The following CACNB1 variants were observed in gnomAD, a reference collection of about 807,000 sequenced individuals.
The protein encoded by CACNB1 is calcium voltage-gated channel auxiliary subunit beta 1.
A neutral mutation model predicts 71.6 loss-of-function variants in CACNB1; 29 were observed. The observed-to-expected ratio is 0.40, with a 90% CI of 0.30 to 0.55. The LOEUF (loss-of-function observed/expected upper bound fraction) is 0.55, where lower values mean the gene tolerates loss of function less well. Among genes scored for constraint, CACNB1 ranks in the 20% least tolerant of loss-of-function variants. The probability of loss-of-function intolerance (pLI) is 0.38; values close to 1 mark genes in which losing one functional copy is unlikely to be tolerated. For missense variants in CACNB1, 623 were observed against 801.8 expected (o/e 0.78, Z 2.69); for synonymous variants, 300 against 319.6 (o/e 0.94, Z 0.65).
At position 39,197,456 on chromosome 17, in the gene CACNB1, G is replaced by T; in HGVS notation, c.40C>A (p.Pro14Thr). 2 of 1,485,278 alleles carry T rather than the reference G, an allele frequency of 1.3e-6. No homozygotes were observed. The highest frequency in any genetic ancestry group is 8.9e-7 in the Non-Finnish European group (1 of 1,122,452). The allele number at this position is 1,485,278 out of a possible 1,614,324, so 92.0% of individuals were successfully genotyped here. Residue 14 changes from proline (P) to threonine (T), a missense_variant, in exon 1 of 14, where the codon CCC (proline) becomes ACC (threonine). Pro to Thr is a conservative substitution (Grantham distance 38). Transcript: ENST00000394303. ...ACCTCCATGGGGATCTCCTGGGAGG[G>T]TGGGTAAGGGCCCCGGGACATGCTG... ...KTSMSRGPYP[P>T]SQEIPMEVFD... is the part of the protein sequence containing the mutation.
chr17:39,185,854 G>T, intron 6 of CACNB1: 3 of 1,373,964 alleles, frequency 2.2e-6, no homozygotes, highest in Non-Finnish European at 2.0e-6. Context: ...CACAGAACAG[G>T]TTGGTACCAC....
Position 39,197,629 on chromosome 17 carries a change from C to A in CACNB1, c.-134G>T. ...AGCCACCCAGCTCGGCCTTCGGCTGCCTCCTTCCTGCCTTCCCTCGCTCCT... is the reference window on the plus strand; with the variant it reads ...AGCCACCCAGCTCGGCCTTCGGCTGACTCCTTCCTGCCTTCCCTCGCTCCT... On this transcript the variant is annotated 5_prime_UTR_variant, in exon 1 of 14. Coordinates refer to ENST00000394303, the MANE Select transcript of CACNB1 (RefSeq NM_000723.5). The A allele has an allele frequency of 3.2e-6, 2 of 621,356 alleles. No homozygotes were observed. Among genetic ancestry groups the A allele is most frequent in the South Asian group, 2.1e-5 (1 of 48,584 alleles). The allele number at this position is 621,356 out of a possible 1,614,324, so 38.5% of individuals were successfully genotyped here.
At position 39,175,890 on chromosome 17, in the gene CACNB1, G is replaced by A. The variant is rs2045566485; in HGVS notation, c.1333-233C>T. ...GGCACCCGACCTTCAACAGATGTGA[G>A]GACATATGAACTCTCAGGGCAACTA... On this transcript the variant is annotated intron_variant, in intron 13 of 13. Transcript: ENST00000394303. The surrounding 1 kb of genome is among the most constrained non-coding windows in gnomAD (Gnocchi z 4.7). Among the ~76,000 whole-genome samples the A allele has an allele frequency of 6.6e-6, 1 of 152,144 alleles. No homozygotes were observed. Among genetic ancestry groups the A allele is most frequent in the Non-Finnish European group, 1.5e-5 (1 of 68,026 alleles).
chr17:39,183,337 AAAGAAG>A (rs35982951), intron 11 of CACNB1, among the ~76,000 whole-genome samples: 7,675 of 130,222 alleles, frequency 0.059, 543 homozygotes, highest in African/African-American at 0.16. Context: ...GACTTAAAAA[AAAGAAG>A]AAGAAGAAGA....
At chr17:39,191,965 T>A (rs1361636704) in intron 2 of CACNB1, 1 of 276,108 alleles carries the variant, frequency 3.6e-6, no homozygotes, top group Non-Finnish European at 6.9e-6. Context: ...CCCGCTGAGA[T>A]AGACTCAGCT....
Position 39,186,289 on chromosome 17 carries a change from G to T in CACNB1, c.628+207C>A. The T allele has an allele frequency of 1.6e-6, 1 of 635,774 alleles. No individual in the cohort carries two copies. The allele number at this position is 635,774 out of a possible 1,614,324, so 39.4% of individuals were successfully genotyped here. A position where few individuals can be genotyped will look rare whatever the true frequency, so the allele number is the denominator to read the frequency against. ...GGGCAGGGGAATCAGGCAGAGAGATGGAGCTACCAAAGAAAAGGGAGAGGA... is the reference window on the plus strand; with the variant it reads ...GGGCAGGGGAATCAGGCAGAGAGATTGAGCTACCAAAGAAAAGGGAGAGGA... On this transcript the variant is annotated intron_variant, in intron 6 of 13. Transcript: ENST00000394303. This position sits in a 1 kb window ranked among gnomAD's most constrained non-coding sequence, Gnocchi z 4.1.
At chr17:39,191,882 G>A (rs1207367636) in intron 2 of CACNB1, 1 of 424,726 alleles carries the variant, frequency 2.4e-6, no homozygotes, top group East Asian at 5.3e-5. Context: ...ACCTGATAGG[G>A]GCACAAGGCA....
At position 39,184,874 on chromosome 17, in the gene CACNB1, G is replaced by T; in HGVS notation, c.649-10C>A. ...GGGGCACATGCTCTGTCTGGGGGGG[G>T]AAGCAGGGAGGGGAAACCCCAGAGT... On this transcript the variant is annotated splice_polypyrimidine_tract_variant and intron_variant, in intron 7 of 13. Coordinates refer to ENST00000394303, the MANE Select transcript of CACNB1 (RefSeq NM_000723.5). 2 of 1,205,290 alleles carry T rather than the reference G, an allele frequency of 1.7e-6. No homozygotes were observed. The highest frequency in any genetic ancestry group is 2.5e-6 in the Non-Finnish European group (2 of 808,980). 74.7% of individuals were successfully genotyped at this position (1,205,290 alleles called of 1,614,324 possible).
intron 11 of CACNB1, among the ~76,000 whole-genome samples, chr17:39,181,805 G>A (rs909286199): frequency 6.6e-6 from 1 of 152,062 alleles, no homozygotes; most frequent in Admixed American, 6.6e-5. Flanking sequence ...ATCACTTGAG[G>A]TCAGGAGTTT....
At chr17:39,177,214 A>AGAGCAG in intron 13 of CACNB1, 136 bp downstream of exon 13, 1 of 1,541,568 alleles carries the variant, frequency 6.5e-7, no homozygotes, top group East Asian at 2.3e-5. Context: ...TTCCGACCCC[A>AGAGCAG]GAGCAGGAGG....
intron 3 of CACNB1, among the ~76,000 whole-genome samples, chr17:39,187,850 CT>C: frequency 6.6e-6 from 1 of 152,138 alleles, no homozygotes. Flanking sequence ...CCCGTCTCTA[CT>C]AAAAATACAA....
Position 39,194,935 on chromosome 17 carries a change from C to A in CACNB1, c.120G>T (p.Arg40=). ...TATCCGAGGACGTGCTCCCATCTGA[C>A]CGTTTGAATCGCCCTTTCCTCTTGC... ...KYSKRKGRFK[R]SDGSTSSDTT... The change falls in exon 2 of 14, where the codon CGG becomes CGT. Residue 40 remains arginine (R), a synonymous_variant. Coordinates refer to ENST00000394303, the MANE Select transcript of CACNB1 (RefSeq NM_000723.5). This position sits in a 1 kb window ranked among gnomAD's most constrained non-coding sequence, Gnocchi z 4.6. The A allele has an allele frequency of 6.2e-7, 1 of 1,613,530 alleles. No individual in the cohort carries two copies. The highest frequency in any genetic ancestry group is 8.5e-7 in the Non-Finnish European group (1 of 1,179,602).
intron 2 of CACNB1, chr17:39,193,548 C>T (rs1157724097): frequency 5.2e-5 from 22 of 420,676 alleles, no homozygotes; most frequent in South Asian, 2.8e-4. Context: ...CTTGGGGGCT[C>T]GGGTTACAAG....
intron 11 of CACNB1, among the ~76,000 whole-genome samples, chr17:39,178,517 C>T (rs2045653582): frequency 6.6e-6 from 1 of 151,906 alleles, no homozygotes; most frequent in Non-Finnish European, 1.5e-5. Context: ...GTAACTAGGG[C>T]TACAGGCACG....
intron 6 of CACNB1, among the ~76,000 whole-genome samples, chr17:39,185,634 G>A (rs2045918443): frequency 6.6e-6 from 1 of 150,998 alleles, no homozygotes; most frequent in African/African-American, 2.4e-5. Flanking sequence ...TGCTTCACAT[G>A]CCAAGGTAGA....
intron 1 of CACNB1, among the ~76,000 whole-genome samples, chr17:39,196,726 TC>T (rs978092268): frequency 1.6e-5 from 2 of 129,008 alleles, no homozygotes; most frequent in African/African-American, 3.0e-5. Flanking sequence ...TAAAACAGCT[TC>T]CCCCCCTCCT....
At position 39,175,161 on chromosome 17, in the gene CACNB1, AGCCCTTCCTCCCGCCGTGT is replaced by A; in HGVS notation, c.*13_*31del. The A allele has an allele frequency of 5.8e-6, 9 of 1,551,678 alleles. No homozygotes were observed. The highest frequency in any genetic ancestry group is 7.9e-6 in the Non-Finnish European group (9 of 1,135,138). The stretch of plus-strand genomic sequence containing the variant: ...GCTCCCTCCCCTCCCCTGGGCTCAG[AGCCCTTCCTCCCGCCGTGT>A]GGCCCCTGCCTCTCAGCGAATGTAG... On this transcript the variant is annotated 3_prime_UTR_variant, in exon 14 of 14. Coordinates refer to ENST00000394303, the MANE Select transcript of CACNB1 (RefSeq NM_000723.5). The surrounding 1 kb of genome is among the most constrained non-coding windows in gnomAD (Gnocchi z 4.7).
At chr17:39,191,001 G>A (rs990311011) in intron 3 of CACNB1, among the ~76,000 whole-genome samples, 2 of 151,590 alleles carry the variant, frequency 1.3e-5, no homozygotes, top group African/African-American at 2.4e-5. Flanking sequence ...TCAGGAGATC[G>A]AGACCATCCT....
In CACNB1 at chr17:39,175,672, G is replaced by C; in HGVS notation, c.1333-15C>G. ...AGGTAGGGTCCCTGGTTAGCAGACG[G>C]ACAGCACACACCATGCAGATCAGGC... On this transcript the variant is annotated splice_polypyrimidine_tract_variant and intron_variant, in intron 13 of 13. Coordinates refer to ENST00000394303, the MANE Select transcript of CACNB1 (RefSeq NM_000723.5). The surrounding 1 kb of genome is among the most constrained non-coding windows in gnomAD (Gnocchi z 4.7). 1 of 1,530,840 alleles carries C rather than the reference G, an allele frequency of 6.5e-7. No individual in the cohort carries two copies. Among genetic ancestry groups the C allele is most frequent in the Non-Finnish European group, 8.8e-7 (1 of 1,132,750 alleles). The allele number at this position is 1,530,840 out of a possible 1,614,324, so 94.8% of individuals were successfully genotyped here. A position where few individuals can be genotyped will look rare whatever the true frequency, so the allele number is the denominator to read the frequency against.
Sources: gnomAD v4.1 joint callset for allele counts (sites outside exome capture counted in the v4.1 genomes callset) on GRCh38, gnomAD v4.1.1 for gene constraint, Gnocchi (gnomAD v3.1) non-coding constraint, MANE v1.5 for transcripts, NCBI Gene and HGNC (gene_info 2026-07-23, HGNC 2026-07-21) for gene names.